The following CMIP variants were observed in gnomAD, a reference collection of about 807,000 sequenced individuals.
CMIP encodes c-Maf inducing protein.
Under a neutral mutation model 97.3 loss-of-function variants are expected in CMIP, and 13 were observed. The ratio of observed to expected loss-of-function variants is 0.13; its 90% CI spans 0.09 to 0.21. The LOEUF (loss-of-function observed/expected upper bound fraction) is 0.21, where lower values mean the gene tolerates loss of function less well. Ranked by LOEUF, CMIP falls within the 10% of genes least tolerant of loss-of-function variation. The pLI is 1.00. For synonymous variants in CMIP, 538 were observed against 436.3 expected (o/e 1.23, Z -2.91); for missense variants, 847 against 1,024.9 (o/e 0.83, Z 2.37).
intron 3 of CMIP, among the ~76,000 whole-genome samples, chr16:81,639,629 C>A (rs941143097): frequency 6.6e-6 from 1 of 152,202 alleles, no homozygotes; most frequent in African/African-American, 2.4e-5. Flanking sequence ...GTAGACCACA[C>A]CTTATGTCTC....
At chr16:81,495,158 G>A (rs938388616) in intron 1 of CMIP, among the ~76,000 whole-genome samples, 6 of 152,208 alleles carry the variant, frequency 3.9e-5, no homozygotes, top group Non-Finnish European at 5.9e-5. Context: ...ATTAATGACT[G>A]TGGAGTACCT....
At chr16:81,694,775 G>C (rs1365013031) in intron 13 of CMIP, among the ~76,000 whole-genome samples, 1 of 152,170 alleles carries the variant, frequency 6.6e-6, no homozygotes, top group Non-Finnish European at 1.5e-5. Flanking sequence ...AGGCCACACT[G>C]AAAAACCGAG....
At chr16:81,643,293 G>A (rs867399868) in intron 3 of CMIP, among the ~76,000 whole-genome samples, 2 of 152,216 alleles carry the variant, frequency 1.3e-5, no homozygotes, top group African/African-American at 4.8e-5. Flanking sequence ...GACACATAGT[G>A]TATGATTCCA....
intron 6 of CMIP, among the ~76,000 whole-genome samples, chr16:81,662,669 T>C (rs1279291644): frequency 6.6e-6 from 1 of 152,184 alleles, no homozygotes; most frequent in Non-Finnish European, 1.5e-5. Context: ...ATTTCTCTTA[T>C]CCCAGGTCTA....
intron 1 of CMIP, among the ~76,000 whole-genome samples, chr16:81,598,631 T>C (rs2091603711): frequency 6.6e-6 from 1 of 152,216 alleles, no homozygotes. Context: ...CACATGGTTC[T>C]AACAGACTGC....
chr16:81,647,688 G>A (rs540341507), intron 3 of CMIP, among the ~76,000 whole-genome samples: 11 of 152,184 alleles, frequency 7.2e-5, no homozygotes, highest in East Asian at 3.9e-4. Flanking sequence ...CAGGGATTCC[G>A]GAGGCGTCCC....
At chr16:81,585,881 G>T (rs1175684426) in intron 1 of CMIP, among the ~76,000 whole-genome samples, 3 of 152,128 alleles carry the variant, frequency 2.0e-5, no homozygotes, top group Non-Finnish European at 2.9e-5. Context: ...TGCTCTGTAA[G>T]AGTTGCTGCC....
chr16:81,512,451 G>A (rs2089832558), intron 1 of CMIP, among the ~76,000 whole-genome samples: 1 of 152,176 alleles, frequency 6.6e-6, no homozygotes, highest in Admixed American at 6.5e-5. Flanking sequence ...GCAAAGGGCA[G>A]GTGTTTTAGC....
intron 1 of CMIP, among the ~76,000 whole-genome samples, chr16:81,448,719 C>G (rs937106548): frequency 6.6e-5 from 10 of 152,206 alleles, no homozygotes; most frequent in African/African-American, 2.4e-4. Flanking sequence ...ACTTTGGATC[C>G]GAAATGCTCG....
intron 2 of CMIP, among the ~76,000 whole-genome samples, chr16:81,615,232 T>G (rs1267760360): frequency 8.0e-5 from 12 of 150,400 alleles, no homozygotes; most frequent in African/African-American, 2.9e-4. Flanking sequence ...GTGTGTATGG[T>G]GTATGTGTGT....
chr16:81,484,325 C>T (rs923109462), intron 1 of CMIP, among the ~76,000 whole-genome samples: 9 of 152,232 alleles, frequency 5.9e-5, no homozygotes, highest in Admixed American at 4.6e-4. Context: ...AAGCCAAAAC[C>T]GCCTGTGAAG....
intron 1 of CMIP, among the ~76,000 whole-genome samples, chr16:81,541,829 C>T (rs994509166): frequency 6.6e-6 from 1 of 152,166 alleles, no homozygotes; most frequent in Non-Finnish European, 1.5e-5. Flanking sequence ...TATGTGAAAA[C>T]GACCCAGAGG....
chr16:81,627,876 A>G lies in CMIP; in HGVS notation c.477+6950A>G, dbSNP rs925192884. On this transcript the variant is annotated intron_variant, in intron 3 of 20. Transcript: ENST00000537098. This position sits in a 1 kb window ranked among gnomAD's most constrained non-coding sequence, Gnocchi z 4.6. ...CTGGCGCTGGGGGACCACAACCCTCAAAGTCCCCAGCACCAAGGCAAAGTG... is the reference window on the plus strand; with the variant it reads ...CTGGCGCTGGGGGACCACAACCCTCGAAGTCCCCAGCACCAAGGCAAAGTG... 3.0e-4 allele frequency among the ~76,000 whole-genome samples: 46 copies of G among 152,114 alleles called. No homozygotes were observed. Among genetic ancestry groups the G allele is most frequent in the Admixed American group, 1.4e-3 (22 of 15,276 alleles).
At chr16:81,495,974 G>T (rs2089482979) in intron 1 of CMIP, among the ~76,000 whole-genome samples, 1 of 152,238 alleles carries the variant, frequency 6.6e-6, no homozygotes, top group Admixed American at 6.5e-5. Flanking sequence ...AGCAGAGAAA[G>T]AGGCCATGAA....
At chr16:81,488,871 A>G (rs971413592) in intron 1 of CMIP, among the ~76,000 whole-genome samples, 7 of 152,180 alleles carry the variant, frequency 4.6e-5, no homozygotes, top group African/African-American at 1.7e-4. Flanking sequence ...GATGTGAGCC[A>G]CTGTCATTGA....
chr16:81,571,769 G>C (rs1172624703), intron 1 of CMIP, among the ~76,000 whole-genome samples: 1 of 152,150 alleles, frequency 6.6e-6, no homozygotes, highest in Non-Finnish European at 1.5e-5. Flanking sequence ...CACCATGGCT[G>C]CTCATACCCT....
intron 1 of CMIP, among the ~76,000 whole-genome samples, chr16:81,544,371 G>A (rs2150844049): frequency 6.6e-6 from 1 of 152,336 alleles, no homozygotes; most frequent in Non-Finnish European, 1.5e-5. Flanking sequence ...GTGAACACGT[G>A]AGGGCATTAT....
intron 1 of CMIP, among the ~76,000 whole-genome samples, chr16:81,451,760 A>G (rs1906229540): frequency 6.6e-6 from 1 of 152,166 alleles, no homozygotes; most frequent in East Asian, 1.9e-4. Flanking sequence ...CCCACAGAAC[A>G]AGGGTCTGTG....
intron 1 of CMIP, among the ~76,000 whole-genome samples, chr16:81,446,050 C>T (rs1026661899): frequency 6.6e-6 from 1 of 152,126 alleles, no homozygotes; most frequent in Non-Finnish European, 1.5e-5. Context: ...TTTGGTTTAC[C>T]CGTCCTTTAT....
Sources: gnomAD v4.1 joint callset for allele counts (sites outside exome capture counted in the v4.1 genomes callset) on GRCh38, gnomAD v4.1.1 for gene constraint, Gnocchi (gnomAD v3.1) non-coding constraint, MANE v1.5 for transcripts, NCBI Gene and HGNC (gene_info 2026-07-23, HGNC 2026-07-21) for gene names.